OR11G2: variants seen among roughly 807,000 people sequenced by gnomAD.
OR11G2 encodes olfactory receptor 11G2.
OR11G2 carries 2 observed loss-of-function variants against 0.9 expected under a neutral mutation model. The ratio of observed to expected loss-of-function variants is 2.35; its 90% CI spans 0.96 to 7.38. OR11G2 has a LOEUF of 7.38. OR11G2 is among the 30% of genes most tolerant of loss of function. The pLI, the probability that OR11G2 is intolerant of heterozygous loss-of-function variation, is 0.05. For missense variants in OR11G2, 395 were observed against 371.3 expected (o/e 1.06, Z -0.52); for synonymous variants, 153 against 142.0 (o/e 1.08, Z -0.55).
At chr14:20,195,656 A>G (rs1243691679) in intron 1 of OR11G2, among the ~76,000 whole-genome samples, 1 of 152,242 alleles carries the variant, frequency 6.6e-6, no homozygotes, top group Non-Finnish European at 1.5e-5. Context: ...TGTACTTGAA[A>G]AGGATGTCAA....
At position 20,198,186 on chromosome 14, in the gene OR11G2, C is replaced by A. The variant is rs2139115424; in HGVS notation, c.749C>A (p.Ala250Asp). ...TTCTCCACCTGTGGGTCTCACCTGG[C>A]TGTGGTTTCACTGTTCTACGGCTCA... ...KAFSTCGSHL[A>D]VVSLFYGSVL... The change falls in exon 2 of 2, where the codon GCT becomes GAT. Residue 250 changes from alanine (A) to aspartate (D), a missense_variant. Physicochemically the swap from Ala to Asp is moderately radical, Grantham distance 126. Coordinates refer to ENST00000641879, the MANE Select transcript of OR11G2 (RefSeq NM_001386033.1). 6.2e-7 allele frequency: 1 copy of A among 1,614,146 alleles called. No individual in the cohort carries two copies. The highest frequency in any genetic ancestry group is 1.6e-4 in the Middle Eastern group (1 of 6,062).
In OR11G2 at chr14:20,200,367, A is replaced by G. The variant is rs1879878464; in HGVS notation, c.*1994A>G. On this transcript the variant is annotated 3_prime_UTR_variant, in exon 2 of 2. Coordinates refer to ENST00000641879, the MANE Select transcript of OR11G2 (RefSeq NM_001386033.1). Reference sequence around the variant, plus strand: ...CCAGTAAGAAAATGAGCAAAAGGATATAAACGAATAACATCCAGAAAAAGA... The same window carrying G: ...CCAGTAAGAAAATGAGCAAAAGGATGTAAACGAATAACATCCAGAAAAAGA... The G allele has an allele frequency of 6.6e-6, 1 of 152,228 alleles. No individual in the cohort carries two copies. Among genetic ancestry groups the G allele is most frequent in the Admixed American group, 6.5e-5 (1 of 15,284 alleles). The allele number at this position is 152,228 out of a possible 1,614,324, so 9.4% of individuals were successfully genotyped here. A position where few individuals can be genotyped will look rare whatever the true frequency, so the allele number is the denominator to read the frequency against.
rs547166592 is a variant in OR11G2, at chr14:20,191,246, A to T, written c.-425A>T. 1 of 152,296 alleles carries T rather than the reference A, an allele frequency of 6.6e-6. No individual in the cohort carries two copies. The highest frequency in any genetic ancestry group is 1.9e-4 in the East Asian group (1 of 5,178). 9.4% of individuals were successfully genotyped at this position (152,296 alleles called of 1,614,324 possible). A position where few individuals can be genotyped will look rare whatever the true frequency, so the allele number is the denominator to read the frequency against. ...TTGCAGAAAGTAAATAGGTGTAATGATATGTAGTCAAAATCAAGTGAAGCA... is the reference window on the plus strand; with the variant it reads ...TTGCAGAAAGTAAATAGGTGTAATGTTATGTAGTCAAAATCAAGTGAAGCA... On this transcript the variant is annotated 5_prime_UTR_variant, in exon 1 of 2. Transcript: ENST00000641879.
rs374328879 is a variant in OR11G2 at position 20,198,407 on chromosome 14, C to A, written c.*34C>A. 7.0e-7 allele frequency: 1 copy of A among 1,425,990 alleles called. No individual in the cohort carries two copies. The highest frequency in any genetic ancestry group is 9.5e-7 in the Non-Finnish European group (1 of 1,053,464). 88.3% of individuals were successfully genotyped at this position (1,425,990 alleles called of 1,614,324 possible). On this transcript the variant is annotated 3_prime_UTR_variant, in exon 2 of 2. Coordinates refer to ENST00000641879, the MANE Select transcript of OR11G2 (RefSeq NM_001386033.1). ...TCAAAAAGGTCCTTGCGTAATTAATCTTGTCTTTAATTTTGGGGTTTAAAA... is the reference window on the plus strand; with the variant it reads ...TCAAAAAGGTCCTTGCGTAATTAATATTGTCTTTAATTTTGGGGTTTAAAA...
intron 1 of OR11G2, among the ~76,000 whole-genome samples, chr14:20,192,617 C>T (rs760163660): frequency 2.6e-5 from 4 of 152,172 alleles, no homozygotes; most frequent in Admixed American, 1.3e-4. Flanking sequence ...TTTGAAGTCT[C>T]TCTTATATAT....
chr14:20,196,734 C>T (rs762878559), intron 1 of OR11G2, among the ~76,000 whole-genome samples: 14 of 152,174 alleles, frequency 9.2e-5, no homozygotes, highest in Non-Finnish European at 1.8e-4. Flanking sequence ...CAAGCACAGA[C>T]GTGTTTCAGC....
At chr14:20,191,943 A>G (rs371202371) in intron 1 of OR11G2, among the ~76,000 whole-genome samples, 41 of 147,316 alleles carry the variant, frequency 2.8e-4, no homozygotes, top group African/African-American at 1.0e-3. Flanking sequence ...CCCAAGCTGG[A>G]GTGCAGTGGC....
chr14:20,193,524 T>C (rs1879695917), intron 1 of OR11G2, among the ~76,000 whole-genome samples: 1 of 152,230 alleles, frequency 6.6e-6, no homozygotes, highest in South Asian at 2.1e-4. Flanking sequence ...GCAAACTATA[T>C]CCAATGTGCC....
In OR11G2 at chr14:20,197,980, C is replaced by G; in HGVS notation, c.543C>G (p.Phe181Leu). 1 of 1,612,394 alleles carries G rather than the reference C, an allele frequency of 6.2e-7. No homozygotes were observed. Among genetic ancestry groups the G allele is most frequent in the Non-Finnish European group, 8.5e-7 (1 of 1,179,696 alleles). Residue 181 changes from phenylalanine (F) to leucine (L), a missense_variant, in exon 2 of 2, where the codon TTC (phenylalanine) becomes TTG (leucine). Coordinates refer to ENST00000641879, the MANE Select transcript of OR11G2 (RefSeq NM_001386033.1). ...GTGGATCTAGGATTATTGACCACTT[C>G]CTATGTGACCCAGCTCCTCTTCTAA... The part of the protein sequence containing the change: ...SFCGSRIIDH[F>L]LCDPAPLLTL...
chr14:20,198,313 G>C lies in OR11G2; in HGVS notation c.876G>C (p.Val292=). ...YSVVTPLLNP[V]IYSLRNKDMR... is the part of the protein sequence containing the mutation. ...TTGTTACCCCACTGCTTAACCCTGT[G>C]ATATATAGTCTTAGGAACAAAGATA... Residue 292 remains valine, a synonymous_variant, in exon 2 of 2, where the codon GTG becomes GTC. Transcript: ENST00000641879. 1 of 1,607,966 alleles carries C rather than the reference G, an allele frequency of 6.2e-7. No homozygotes were observed. Among genetic ancestry groups the C allele is most frequent in the Non-Finnish European group, 8.5e-7 (1 of 1,178,294 alleles).
rs200876108 is a variant in OR11G2 at position 20,198,016 on chromosome 14, C to A, written c.579C>A (p.Cys193Ter). ...CAGCTCCTCTTCTAACTCTCACTTG[C>A]AAAAAAGGCCCTGTGATAGAGCTTG... The part of the protein sequence containing the change: ...CDPAPLLTLT[C>*]KKGPVIELVF... The change falls in exon 2 of 2, where the codon TGC becomes TGA. Residue 193 changes from cysteine (C) to a stop codon, truncating the protein, a stop_gained. Coordinates refer to ENST00000641879, the MANE Select transcript of OR11G2 (RefSeq NM_001386033.1). LOFTEE classifies it low-confidence loss of function (END_TRUNC). 9.2e-4 allele frequency: 1,487 copies of A among 1,613,282 alleles called. 20 individuals are homozygous for A. In the African/African-American group the frequency reaches 0.018, roughly 20 times the overall value.
Position 20,192,067 on chromosome 14 carries a change from A to G in OR11G2, c.-5+401A>G, listed in dbSNP as rs189717959. 7.2e-3 allele frequency among the ~76,000 whole-genome samples: 1,092 copies of G among 152,158 alleles called. 19 individuals carry two copies. Among genetic ancestry groups the G allele is most frequent in the Admixed American group, 0.028 (428 of 15,280 alleles). On this transcript the variant is annotated intron_variant, in intron 1 of 1. Coordinates refer to ENST00000641879, the MANE Select transcript of OR11G2 (RefSeq NM_001386033.1). ...ATGACCATACCCGGCTAATTTTTGT[A>G]GTATTAGTAAAAACGAGGTTTCAAC...
intron 1 of OR11G2, among the ~76,000 whole-genome samples, chr14:20,196,531 C>T (rs995826873): frequency 1.3e-5 from 2 of 152,188 alleles, no homozygotes; most frequent in African/African-American, 4.8e-5. Context: ...AGATATTCAG[C>T]CTTCAAAAGC....
chr14:20,197,418 C>G lies in OR11G2; in HGVS notation c.-4-16C>G. On this transcript the variant is annotated splice_polypyrimidine_tract_variant and intron_variant, in intron 1 of 1. Transcript: ENST00000641879. ...CACCGTCATTCAGTAATTGCTGGTGCTTTTACAATTCACAGGCACATGAAA... is the reference window on the plus strand; with the variant it reads ...CACCGTCATTCAGTAATTGCTGGTGGTTTTACAATTCACAGGCACATGAAA... The G allele has an allele frequency of 6.2e-7, 1 of 1,612,918 alleles. No homozygotes were observed. Among genetic ancestry groups the G allele is most frequent in the Non-Finnish European group, 8.5e-7 (1 of 1,179,070 alleles).
chr14:20,193,665 G>T (rs1485803752), intron 1 of OR11G2, among the ~76,000 whole-genome samples: 1 of 152,228 alleles, frequency 6.6e-6, no homozygotes, highest in Non-Finnish European at 1.5e-5. Context: ...TCACATTTCA[G>T]TAGACATAAT....
At position 20,198,205 on chromosome 14, in the gene OR11G2, C is replaced by T. The variant is rs376290528; in HGVS notation, c.768C>T (p.Tyr256=). ...GSHLAVVSLF[Y]GSVLVMYGSP... is the part of the protein sequence containing the mutation. Reference sequence around the variant, plus strand: ...ACCTGGCTGTGGTTTCACTGTTCTACGGCTCAGTACTGGTCATGTATGGGA... The same window carrying T: ...ACCTGGCTGTGGTTTCACTGTTCTATGGCTCAGTACTGGTCATGTATGGGA... The change falls in exon 2 of 2, where the codon TAC becomes TAT. Residue 256 remains tyrosine, a synonymous_variant. Transcript: ENST00000641879. 5.0e-6 allele frequency: 8 copies of T among 1,613,980 alleles called. No homozygotes were observed. In the Admixed American group the frequency reaches 6.7e-5, roughly 13 times the overall value.
chr14:20,197,457 C>T lies in OR11G2; in HGVS notation c.20C>T (p.Pro7Leu). The T allele has an allele frequency of 6.2e-7, 1 of 1,613,974 alleles. No homozygotes were observed. Among genetic ancestry groups the T allele is most frequent in the Non-Finnish European group, 8.5e-7 (1 of 1,180,022 alleles). Residue 7 changes from proline (P) to leucine (L), a missense_variant, in exon 2 of 2, where the codon CCC (proline) becomes CTC (leucine). Pro to Leu is a moderately conservative substitution (Grantham distance 98). Coordinates refer to ENST00000641879, the MANE Select transcript of OR11G2 (RefSeq NM_001386033.1). MKIFNS[P>L]SNSSTFTGFI... ...AGGCACATGAAAATCTTCAACAGCC[C>T]CAGCAACTCCAGCACCTTCACTGGC... is the stretch of plus-strand genomic sequence containing the variant.
Position 20,197,470 on chromosome 14 carries a change from C to G in OR11G2, c.33C>G (p.Ser11Arg). MKIFNSPSNSSTFTGFILLGF... is the reference protein window; with the variant it reads MKIFNSPSNSRTFTGFILLGF... ...TCTTCAACAGCCCCAGCAACTCCAGCACCTTCACTGGCTTCATCCTCCTGG... is the reference window on the plus strand; with the variant it reads ...TCTTCAACAGCCCCAGCAACTCCAGGACCTTCACTGGCTTCATCCTCCTGG... The change falls in exon 2 of 2, where the codon AGC (serine) becomes AGG (arginine). Residue 11 changes from serine (S) to arginine (R), a missense_variant. Coordinates refer to ENST00000641879, the MANE Select transcript of OR11G2 (RefSeq NM_001386033.1). The G allele has an allele frequency of 6.2e-7, 1 of 1,613,996 alleles. No homozygotes were observed. Among genetic ancestry groups the G allele is most frequent in the Non-Finnish European group, 8.5e-7 (1 of 1,180,022 alleles).
chr14:20,196,652 C>G (rs1305484704), intron 1 of OR11G2, among the ~76,000 whole-genome samples: 4 of 152,174 alleles, frequency 2.6e-5, no homozygotes, highest in Non-Finnish European at 5.9e-5. Context: ...TCAATTGTAT[C>G]CATAATTTGT....
Sources: gnomAD v4.1 joint callset for allele counts (sites outside exome capture counted in the v4.1 genomes callset) on GRCh38, gnomAD v4.1.1 for gene constraint, MANE v1.5 for transcripts, NCBI Gene and HGNC (gene_info 2026-07-23, HGNC 2026-07-21) for gene names.